CNTN6: variants seen among roughly 807,000 people sequenced by gnomAD.
CNTN6 encodes the protein contactin-6.
Under a neutral mutation model 122.8 loss-of-function variants are expected in CNTN6, and 137 were observed. The ratio of observed to expected loss-of-function variants is 1.12; its 90% CI spans 0.97 to 1.29. The LOEUF (loss-of-function observed/expected upper bound fraction) is 1.29, where lower values mean the gene tolerates loss of function less well. CNTN6 is among the 50% of genes most tolerant of loss of function. CNTN6 has a pLI of 0.00. For missense variants in CNTN6, 1,634 were observed against 1,223.4 expected (o/e 1.34, Z -5.01); for synonymous variants, 570 against 426.0 (o/e 1.34, Z -4.16).
At chr3:1,231,291 C>A in intron 4 of CNTN6, among the ~76,000 whole-genome samples, 1 of 152,314 alleles carries the variant, frequency 6.6e-6, no homozygotes, top group Admixed American at 6.5e-5. Context: ...TAGATAAGAA[C>A]AAGCTATGCA....
At chr3:1,115,077 G>A (rs889379396) in intron 1 of CNTN6, among the ~76,000 whole-genome samples, 13 of 152,170 alleles carry the variant, frequency 8.5e-5, no homozygotes, top group African/African-American at 2.9e-4. Flanking sequence ...TCAGTTTTAA[G>A]ACCAAAAAAA....
chr3:1,304,951 G>A (rs985871133), intron 7 of CNTN6, among the ~76,000 whole-genome samples: 4 of 142,804 alleles, frequency 2.8e-5, no homozygotes, highest in African/African-American at 1.0e-4. Context: ...AGATCGTGCT[G>A]CTGCACTCCA....
intron 4 of CNTN6, among the ~76,000 whole-genome samples, chr3:1,246,191 C>A (rs1166769073): frequency 6.6e-6 from 1 of 152,098 alleles, no homozygotes; most frequent in African/African-American, 2.4e-5. Flanking sequence ...CATTATATCC[C>A]CTTCTAGTTA....
chr3:1,107,201 A>G (rs777211900), intron 1 of CNTN6, among the ~76,000 whole-genome samples: 2 of 152,154 alleles, frequency 1.3e-5, no homozygotes, highest in African/African-American at 2.4e-5. Context: ...AATGATCACA[A>G]TGATACTAGT....
intron 1 of CNTN6, among the ~76,000 whole-genome samples, chr3:1,142,991 TA>T (rs2092647542): frequency 6.9e-6 from 1 of 144,794 alleles, no homozygotes; most frequent in Non-Finnish European, 1.5e-5. Context: ...TATATATATA[TA>T]TATATATATA....
intron 4 of CNTN6, among the ~76,000 whole-genome samples, chr3:1,275,088 T>C (rs1160898733): frequency 1.3e-5 from 2 of 152,182 alleles, no homozygotes; most frequent in Non-Finnish European, 2.9e-5. Context: ...TTCTCTTTCC[T>C]TACAAAGGCC....
chr3:1,386,259 T>C (rs1218427519), intron 20 of CNTN6, among the ~76,000 whole-genome samples: 2 of 145,064 alleles, frequency 1.4e-5, no homozygotes, highest in East Asian at 3.9e-4. Context: ...GCTCAGTAAA[T>C]GGTTTTTTTG....
intron 7 of CNTN6, among the ~76,000 whole-genome samples, chr3:1,303,481 G>A (rs530163713): frequency 1.3e-5 from 2 of 152,260 alleles, no homozygotes; most frequent in African/African-American, 2.4e-5. Context: ...ATTTTAGCTA[G>A]TACCTTTGCT....
At chr3:1,148,202 C>A in intron 2 of CNTN6, 139 bp downstream of exon 2, 1 of 623,144 alleles carries the variant, frequency 1.6e-6, no homozygotes, top group Non-Finnish European at 2.8e-6. Flanking sequence ...AAGGTAACTT[C>A]TATGACTCAG....
chr3:1,147,892 C>T (rs75543035), intron 1 of CNTN6, 35 bp from the exon 2 acceptor site: 18,650 of 653,926 alleles, frequency 0.029, 346 homozygotes, highest in Non-Finnish European at 0.034. Context: ...CGTGTTTGTA[C>T]GTTTTTCATT....
intron 11 of CNTN6, among the ~76,000 whole-genome samples, chr3:1,342,352 A>C (rs1355139783): frequency 6.6e-6 from 1 of 152,000 alleles, no homozygotes; most frequent in Non-Finnish European, 1.5e-5. Context: ...CTGGTCTCGA[A>C]CTCCTGACCT....
intron 4 of CNTN6, among the ~76,000 whole-genome samples, chr3:1,267,185 T>C (rs569356488): frequency 9.8e-4 from 149 of 152,196 alleles, no homozygotes; most frequent in African/African-American, 3.4e-3. Context: ...TCTGTTTGCT[T>C]GCTCTTGGAT....
At chr3:1,225,699 G>GT (rs35640182) in intron 3 of CNTN6, among the ~76,000 whole-genome samples, 31,056 of 109,376 alleles carry the variant, frequency 0.28, 3,417 homozygotes, top group African/African-American at 0.34. Flanking sequence ...TTTTATTATT[G>GT]TTTTTTTTTT....
chr3:1,358,191 C>T (rs1208189129), intron 12 of CNTN6, among the ~76,000 whole-genome samples: 1 of 151,808 alleles, frequency 6.6e-6, no homozygotes, highest in Non-Finnish European at 1.5e-5. Context: ...ACACTTCAAC[C>T]GATACGTTTA....
At position 1,385,596 on chromosome 3, in the gene CNTN6, GT is replaced by G; in HGVS notation, c.2518-10del. 1 of 1,574,214 alleles carries G rather than the reference GT, an allele frequency of 6.4e-7. No individual in the cohort carries two copies. The highest frequency in any genetic ancestry group is 2.3e-5 in the East Asian group (1 of 43,668). On this transcript the variant is annotated splice_polypyrimidine_tract_variant and intron_variant, in intron 19 of 22. Coordinates refer to ENST00000446702, the MANE Select transcript of CNTN6 (RefSeq NM_001289080.2). Reference sequence around the variant, plus strand: ...GGGGAACAATAAATTGCTTGTTTTGGTTTTTAATTATCAGGTCTTATACTGG... The same window carrying G: ...GGGGAACAATAAATTGCTTGTTTTGGTTTTAATTATCAGGTCTTATACTGG...
intron 2 of CNTN6, among the ~76,000 whole-genome samples, chr3:1,175,491 G>A (rs144444717): frequency 6.6e-6 from 1 of 152,168 alleles, no homozygotes; most frequent in African/African-American, 2.4e-5. Flanking sequence ...ATAGCAACTG[G>A]GAGCACAGCA....
At chr3:1,115,848 C>G (rs1483350060) in intron 1 of CNTN6, among the ~76,000 whole-genome samples, 1 of 151,510 alleles carries the variant, frequency 6.6e-6, no homozygotes. Context: ...TCACAACAAA[C>G]AAAAAAGGCA....
chr3:1,300,160 G>C (rs758801628), intron 7 of CNTN6, among the ~76,000 whole-genome samples: 23 of 151,606 alleles, frequency 1.5e-4, no homozygotes, highest in Non-Finnish European at 3.1e-4. Flanking sequence ...TTTTTTTTTG[G>C]TATTTTTAGT....
chr3:1,111,127 A>T (rs1372625880), intron 1 of CNTN6, among the ~76,000 whole-genome samples: 3 of 152,196 alleles, frequency 2.0e-5, no homozygotes, highest in African/African-American at 7.2e-5. Context: ...ACATACAGCA[A>T]CTAGTAGTGA....
Sources: gnomAD v4.1 joint callset for allele counts (sites outside exome capture counted in the v4.1 genomes callset) on GRCh38, gnomAD v4.1.1 for gene constraint, MANE v1.5 for transcripts, NCBI Gene and HGNC (gene_info 2026-07-23, HGNC 2026-07-21) for gene names.